RGS7: variants seen among roughly 807,000 people sequenced by gnomAD.
The protein encoded by RGS7 is regulator of G protein signaling 7.
A neutral mutation model predicts 81.1 loss-of-function variants in RGS7; 27 were observed. The observed-to-expected ratio is 0.33, with a 90% CI of 0.25 to 0.46. The LOEUF (loss-of-function observed/expected upper bound fraction) is 0.46. Among genes scored for constraint, RGS7 ranks in the 20% least tolerant of loss-of-function variants. The pLI is 1.00. For missense variants in RGS7, 396 were observed against 607.4 expected, an observed-to-expected ratio of 0.65 and a Z score of 3.66; for synonymous variants, 208 against 207.7, an observed-to-expected ratio of 1.00 and a Z score of -0.01.
chr1:240,968,304 T>G (rs1444245094), intron 4 of RGS7, among the ~76,000 whole-genome samples: 3 of 152,252 alleles, frequency 2.0e-5, no homozygotes, highest in Non-Finnish European at 4.4e-5. Flanking sequence ...AAAATGCTAC[T>G]GATGCCTGGC....
chr1:240,787,180 C>A (rs1473397786), intron 18 of RGS7, among the ~76,000 whole-genome samples: 2 of 151,982 alleles, frequency 1.3e-5, no homozygotes, highest in African/African-American at 4.8e-5. Flanking sequence ...GTATTAATAA[C>A]AATAGGTTTT....
At chr1:241,328,243 G>C (rs536238774) in intron 2 of RGS7, among the ~76,000 whole-genome samples, 25 of 152,234 alleles carry the variant, frequency 1.6e-4, no homozygotes, top group African/African-American at 5.8e-4. Context: ...TTGGAGTCAG[G>C]GCTTTGCCAC....
chr1:240,922,057 C>A (rs1467442049), intron 6 of RGS7, among the ~76,000 whole-genome samples: 1 of 151,520 alleles, frequency 6.6e-6, no homozygotes, highest in Non-Finnish European at 1.5e-5. Flanking sequence ...AAAAATAAAT[C>A]AAGGAAAAAG....
Position 241,275,977 on chromosome 1 carries a change from T to G in RGS7, c.78+79722A>C, listed in dbSNP as rs7519435. ...CTTCTAATGAATCTAACTAGGTACCTTATACAGGCTTGCGTGGGTTAAATC... is the reference window on the plus strand; with the variant it reads ...CTTCTAATGAATCTAACTAGGTACCGTATACAGGCTTGCGTGGGTTAAATC... On this transcript the variant is annotated intron_variant, in intron 2 of 18. Coordinates refer to ENST00000440928, the MANE Select transcript of RGS7 (RefSeq NM_001364886.1). 4.5e-3 allele frequency among the ~76,000 whole-genome samples: 687 copies of G among 152,338 alleles called. 5 individuals carry two copies. The highest frequency in any genetic ancestry group is 0.016 in the African/African-American group (647 of 41,578).
At chr1:240,836,145 TG>T (rs1248828664) in intron 9 of RGS7, among the ~76,000 whole-genome samples, 1 of 15,988 alleles carries the variant, frequency 6.3e-5, no homozygotes, top group Non-Finnish European at 1.2e-4. Context: ...CTGGTGGGGT[TG>T]GGGGTGGGGG....
intron 6 of RGS7, among the ~76,000 whole-genome samples, chr1:240,927,010 G>A (rs1201282892): frequency 2.0e-5 from 3 of 152,138 alleles, no homozygotes; most frequent in South Asian, 4.1e-4. Context: ...TTAAACTGGG[G>A]ATGGAAACAG....
intron 2 of RGS7, among the ~76,000 whole-genome samples, chr1:241,345,076 C>A (rs2082802982): frequency 6.6e-6 from 1 of 152,178 alleles, no homozygotes; most frequent in South Asian, 2.1e-4. Context: ...AAGATCATGT[C>A]TTTTGTGGGA....
chr1:240,946,464 G>A (rs1402505462), intron 4 of RGS7, among the ~76,000 whole-genome samples: 1 of 152,018 alleles, frequency 6.6e-6, no homozygotes, highest in Non-Finnish European at 1.5e-5. Context: ...AAAATTAGCA[G>A]GGCATGGTGG....
chr1:240,820,934 T>C (rs2103144368), intron 10 of RGS7, among the ~76,000 whole-genome samples: 2 of 152,326 alleles, frequency 1.3e-5, no homozygotes, highest in Admixed American at 1.3e-4. Flanking sequence ...TCTGGGGCTT[T>C]TCTGACTGAC....
chr1:241,268,581 G>A (rs1452448491), intron 2 of RGS7, among the ~76,000 whole-genome samples: 1 of 152,150 alleles, frequency 6.6e-6, no homozygotes, highest in Non-Finnish European at 1.5e-5. Context: ...TAGAAGCAAA[G>A]GGTAGGTGTG....
chr1:240,789,111 A>G, intron 18 of RGS7, among the ~76,000 whole-genome samples: 1 of 152,214 alleles, frequency 6.6e-6, no homozygotes, highest in Non-Finnish European at 1.5e-5. Flanking sequence ...AGTTCCCCAA[A>G]TTAATACTTT....
chr1:241,175,725 C>G (rs1018378914), intron 2 of RGS7, among the ~76,000 whole-genome samples: 3 of 152,146 alleles, frequency 2.0e-5, no homozygotes, highest in Non-Finnish European at 4.4e-5. Context: ...AGAGTTAAAC[C>G]TGGAAAAATC....
chr1:240,972,515 G>A (rs538329909), intron 4 of RGS7, among the ~76,000 whole-genome samples: 77 of 115,288 alleles, frequency 6.7e-4, no homozygotes, highest in Non-Finnish European at 1.1e-3. Flanking sequence ...ATGGACACAG[G>A]AAGGGGAATA....
chr1:241,133,234 C>T (rs1216869249), intron 2 of RGS7, among the ~76,000 whole-genome samples: 1 of 151,408 alleles, frequency 6.6e-6, no homozygotes, highest in African/African-American at 2.4e-5. Flanking sequence ...ACCATTTTTA[C>T]ATAAAATTGA....
chr1:240,865,417 C>A (rs1558377374), intron 9 of RGS7, among the ~76,000 whole-genome samples: 1 of 152,232 alleles, frequency 6.6e-6, no homozygotes, highest in African/African-American at 2.4e-5. Context: ...GTTTGAGATA[C>A]TCTCTGGTAT....
chr1:241,000,065 TG>T (rs1687903626), intron 3 of RGS7, among the ~76,000 whole-genome samples: 1 of 152,182 alleles, frequency 6.6e-6, no homozygotes, highest in Admixed American at 6.5e-5. Flanking sequence ...GAGGGTGGCC[TG>T]GTCACCACTG....
intron 2 of RGS7, among the ~76,000 whole-genome samples, chr1:241,308,541 A>C (rs1573608632): frequency 1.3e-5 from 2 of 152,214 alleles, no homozygotes; most frequent in Admixed American, 1.3e-4. Context: ...AGACCCAGAG[A>C]AGACTGTGCC....
chr1:240,804,401 G>C (rs1027259530), intron 15 of RGS7, among the ~76,000 whole-genome samples: 1 of 152,038 alleles, frequency 6.6e-6, no homozygotes, highest in Non-Finnish European at 1.5e-5. Context: ...TGGTCACAGA[G>C]CAGAGCTGAA....
intron 3 of RGS7, among the ~76,000 whole-genome samples, chr1:241,070,908 C>G (rs2062403280): frequency 6.6e-6 from 1 of 152,180 alleles, no homozygotes; most frequent in Admixed American, 6.5e-5. Context: ...CATTGCTTCT[C>G]AGAAATCTTG....
Sources: gnomAD v4.1 joint callset for allele counts (sites outside exome capture counted in the v4.1 genomes callset) on GRCh38, gnomAD v4.1.1 for gene constraint, MANE v1.5 for transcripts, NCBI Gene and HGNC (gene_info 2026-07-23, HGNC 2026-07-21) for gene names.